ZNF44: variants seen among roughly 807,000 people sequenced by gnomAD.
ZNF44 encodes the protein gonadotropin inducible transcription repressor-2.
In ZNF44, 9 loss-of-function variants were observed where a neutral mutation model predicts 11.7. That is an observed-to-expected ratio of 0.77 (90% CI 0.46 to 1.35). The LOEUF is 1.35. ZNF44 is among the 40% of genes most tolerant of loss of function. The pLI is 0.00. For missense variants in ZNF44, 696 were observed against 743.1 expected (o/e 0.94, Z 0.74); for synonymous variants, 224 against 242.7 (o/e 0.92, Z 0.72).
Position 12,278,179 on chromosome 19 carries a change from C to T in ZNF44, c.4-2097G>A, listed in dbSNP as rs762657344. Among the ~76,000 whole-genome samples the T allele has an allele frequency of 6.6e-5, 10 of 152,332 alleles. No individual in the cohort carries two copies. The East Asian group carries it at 1.2e-3, about 18-fold the overall frequency. On this transcript the variant is annotated intron_variant, in intron 1 of 3. Transcript: ENST00000355684. Reference sequence around the variant, plus strand: ...ACCCAGGGTGGAAAACTGCTTAAGGCGTTCCTGAACCACAAACAATAGCAT... The same window carrying T: ...ACCCAGGGTGGAAAACTGCTTAAGGTGTTCCTGAACCACAAACAATAGCAT...
At chr19:12,274,187 G>T in intron 3 of ZNF44, 124 bp from the exon 4 acceptor site, 1 of 704,150 alleles carries the variant, frequency 1.4e-6, no homozygotes, top group Non-Finnish European at 2.3e-6. Context: ...GCTTCAATGT[G>T]AATGGACTGA....
In ZNF44 at chr19:12,273,840, T is replaced by C. The variant is rs1967092002; in HGVS notation, c.415A>G (p.Lys139Glu). 4 of 1,614,180 alleles carry C rather than the reference T, an allele frequency of 2.5e-6. No homozygotes were observed. In the East Asian group the frequency reaches 8.9e-5, roughly 36 times the overall value. Residue 139 changes from lysine (K) to glutamate (E), a missense_variant, in exon 4 of 4, where the codon AAG becomes GAG. Transcript: ENST00000355684. The stretch of plus-strand genomic sequence containing the variant: ...CCACACTGCTTATGTGTATATGACT[T>C]CTCTGCATATTCATGACACTCCCGG... ...KHRECHEYAE[K>E]SYTHKQCGKG... is the part of the protein sequence containing the mutation.
chr19:12,292,993 C>T (rs1968082546), intron 1 of ZNF44, among the ~76,000 whole-genome samples: 1 of 151,776 alleles, frequency 6.6e-6, no homozygotes, highest in South Asian at 2.1e-4. Flanking sequence ...CCTCAGCCTC[C>T]CATGTAGCTG....
chr19:12,231,580 G>A (rs1433899876), intron 2 of ZNF44, among the ~76,000 whole-genome samples: 1 of 152,146 alleles, frequency 6.6e-6, no homozygotes, highest in East Asian at 1.9e-4. Flanking sequence ...TTGATGCAGT[G>A]GAAATGGGGA....
At chr19:12,226,981 G>C (rs958619985) in intron 3 of ZNF44, among the ~76,000 whole-genome samples, 1 of 151,822 alleles carries the variant, frequency 6.6e-6, no homozygotes, top group Non-Finnish European at 1.5e-5. Flanking sequence ...CAGGAGAATC[G>C]CTTGAATGTA....
At chr19:12,225,998 T>C (rs775873627), downstream of ZNF44, among the ~76,000 whole-genome samples, 3 of 152,178 alleles carry the variant, frequency 2.0e-5, no homozygotes, top group East Asian at 3.8e-4. Flanking sequence ...ATAGTAAGAA[T>C]TGAAAAACAT....
rs1431301690 is a variant in ZNF44 at position 12,250,917 on chromosome 19, A to T, written c.1913-549T>A. On this transcript the variant is annotated intron_variant and NMD_transcript_variant, in intron 5 of 7. Coordinates refer to the ZNF44 transcript ENST00000393337. Reference sequence around the variant, plus strand: ...CGAGGTAGTCAGATCCAGCCAATTCAATCAAAATATTTCTTTTGGAGAAGT... The same window carrying T: ...CGAGGTAGTCAGATCCAGCCAATTCTATCAAAATATTTCTTTTGGAGAAGT... 9.6e-6 allele frequency: 4 copies of T among 417,872 alleles called. No individual in the cohort carries two copies. In the East Asian group the frequency reaches 2.9e-4, roughly 30 times the overall value. 25.9% of individuals were successfully genotyped at this position (417,872 alleles called of 1,614,324 possible).
At chr19:12,294,427 C>G (rs1968155586) in intron 1 of ZNF44, among the ~76,000 whole-genome samples, 1 of 152,240 alleles carries the variant, frequency 6.6e-6, no homozygotes, top group South Asian at 2.1e-4. Context: ...AGAAGCGGGG[C>G]TGAGGGCGCG....
chr19:12,240,306 G>A (rs145280758), upstream of ZNF44, among the ~76,000 whole-genome samples: 1,052 of 152,016 alleles, frequency 6.9e-3, 9 homozygotes, highest in Non-Finnish European at 9.6e-3. Context: ...TTAGCCGGGT[G>A]TGGTGGCTCG....
At chr19:12,254,121 A>G (rs757920785) in intron 5 of ZNF44, among the ~76,000 whole-genome samples, 2 of 152,116 alleles carry the variant, frequency 1.3e-5, no homozygotes, top group Non-Finnish European at 2.9e-5. Context: ...CCAAGATAAG[A>G]TAGACTACAT....
rs1052106450 is a variant in ZNF44 at position 12,293,476 on chromosome 19, G to T, written c.3+1216C>A. On this transcript the variant is annotated intron_variant, in intron 1 of 3. Coordinates refer to ENST00000355684, the MANE Select transcript of ZNF44 (RefSeq NM_016264.4). ...GAGATAAAAGAGGCACAAAGGTTTGGTTTTTTTTACAGCAGTGTCAGGTGG... is the reference window on the plus strand; with the variant it reads ...GAGATAAAAGAGGCACAAAGGTTTGTTTTTTTTTACAGCAGTGTCAGGTGG... 86 of 1,223,432 alleles carry T rather than the reference G, an allele frequency of 7.0e-5. 1 individual carries two copies. Among genetic ancestry groups the T allele is most frequent in the Middle Eastern group, 4.1e-4 (2 of 4,908 alleles). 75.8% of individuals were successfully genotyped at this position (1,223,432 alleles called of 1,614,324 possible).
chr19:12,258,828 CAATA>C lies in ZNF44; in HGVS notation c.1913-8464_1913-8461del, dbSNP rs1185219739. On this transcript the variant is annotated intron_variant and NMD_transcript_variant, in intron 5 of 7. Coordinates refer to the ZNF44 transcript ENST00000393337. ...TAGGTGACAGAGCGAGACTCTGTCT[CAATA>C]AATAAATAAATAAATAACTCACTGG... Among the ~76,000 whole-genome samples, 6 of 151,870 alleles carry C rather than the reference CAATA, an allele frequency of 4.0e-5. No individual in the cohort carries two copies. The East Asian group carries it at 9.7e-4, about 25-fold the overall frequency.
intron 1 of ZNF44, among the ~76,000 whole-genome samples, chr19:12,276,944 A>G (rs772513979): frequency 1.3e-5 from 2 of 152,162 alleles, no homozygotes; most frequent in African/African-American, 2.4e-5. Context: ...CCCCATCAGC[A>G]AGAAGATTCC....
intron 1 of ZNF44, among the ~76,000 whole-genome samples, chr19:12,235,348 G>A (rs1422808826): frequency 4.6e-5 from 7 of 152,090 alleles, no homozygotes; most frequent in African/African-American, 1.7e-4. Flanking sequence ...CGACCTGGGC[G>A]AAAGAGCGAG....
chr19:12,292,646 G>A (rs922110957), intron 1 of ZNF44, among the ~76,000 whole-genome samples: 2 of 151,998 alleles, frequency 1.3e-5, no homozygotes, highest in Non-Finnish European at 2.9e-5. Context: ...ACTGCCTTAT[G>A]TCTTTTTCAG....
At chr19:12,226,655 A>G (rs1278156153) in intron 3 of ZNF44, 1 of 152,260 alleles carries the variant, frequency 6.6e-6, no homozygotes, top group Non-Finnish European at 1.5e-5. Context: ...GAATGCTCCA[A>G]ATTTTGTTCA....
At chr19:12,294,599 C>T in intron 1 of ZNF44, 93 bp downstream of exon 1, 1 of 1,507,100 alleles carries the variant, frequency 6.6e-7, no homozygotes, top group South Asian at 1.2e-5. Context: ...CCCAAAGACG[C>T]TGCGGCGAGG....
intron 2 of ZNF44, chr19:12,234,639 G>C (rs1322324863): frequency 6.6e-6 from 1 of 152,088 alleles, no homozygotes; most frequent in Non-Finnish European, 1.5e-5. Context: ...TTCTCTAATT[G>C]ACTAAAGGAA....
chr19:12,290,202 A>G (rs1038099656), intron 1 of ZNF44, among the ~76,000 whole-genome samples: 3 of 151,482 alleles, frequency 2.0e-5, no homozygotes, highest in Non-Finnish European at 4.4e-5. Flanking sequence ...CCTGACCAAC[A>G]TGGAGAAACC....
Sources: allele counts gnomAD v4.1 joint callset (sites outside exome capture counted in the v4.1 genomes callset), GRCh38; gene constraint gnomAD v4.1.1; transcripts MANE v1.5; gene names NCBI Gene and HGNC (gene_info 2026-07-23, HGNC 2026-07-21).